NLRP3: variants seen among roughly 807,000 people sequenced by gnomAD.
NLRP3 encodes NLR family pyrin domain containing 3.
NLRP3 carries 48 observed loss-of-function variants against 91.3 expected under a neutral mutation model. That is an observed-to-expected ratio of 0.53 (90% CI 0.42 to 0.67). NLRP3 has a LOEUF of 0.67. Among genes scored for constraint, NLRP3 ranks in the 30% least tolerant of loss-of-function variants. NLRP3 has a pLI of 0.00. For missense variants in NLRP3, 982 were observed against 1,276.9 expected (o/e 0.77, Z 3.52); for synonymous variants, 561 against 507.9 (o/e 1.10, Z -1.41).
rs201794702 is a variant in NLRP3 at position 247,425,489 on chromosome 1, G to T, written c.2040G>T (p.Gly680=). Residue 680 remains glycine (G), a synonymous_variant, in exon 4 of 10, where the codon GGG becomes GGT. Coordinates refer to ENST00000336119, the MANE Select transcript of NLRP3 (RefSeq NM_001243133.2). The surrounding 1 kb of genome is among the most constrained non-coding windows in gnomAD (Gnocchi z 4.1). Reference sequence around the variant, plus strand: ...ATCGGGTGGAGTCACTGTCCCTGGGGTTTCTCCATAACATGCCCAAGGAGG... The same window carrying T: ...ATCGGGTGGAGTCACTGTCCCTGGGTTTTCTCCATAACATGCCCAAGGAGG... The part of the protein sequence containing the change: ...NCHRVESLSL[G]FLHNMPKEEE... The T allele has an allele frequency of 3.7e-6, 6 of 1,614,192 alleles. No individual in the cohort carries two copies. In the South Asian group the frequency reaches 5.5e-5, roughly 15 times the overall value.
chr1:247,440,142 A>T (rs1664106507), intron 7 of NLRP3, among the ~76,000 whole-genome samples: 1 of 146,486 alleles, frequency 6.8e-6, no homozygotes, highest in South Asian at 2.2e-4. Context: ...TGTTAGGTAT[A>T]GCTACATTTT....
At chr1:247,437,837 T>C (rs1236474027) in intron 7 of NLRP3, among the ~76,000 whole-genome samples, 1 of 152,228 alleles carries the variant, frequency 6.6e-6, no homozygotes, top group African/African-American at 2.4e-5. Context: ...GCGGGTGACA[T>C]TGGAGCAGGT....
At position 247,424,079 on chromosome 1, in the gene NLRP3, T is replaced by C; in HGVS notation, c.630T>C (p.Asp210=). 1 of 1,614,020 alleles carries C rather than the reference T, an allele frequency of 6.2e-7. No individual in the cohort carries two copies. Among genetic ancestry groups the C allele is most frequent in the South Asian group, 1.1e-5 (1 of 91,070 alleles). Residue 210 remains aspartate (D), a synonymous_variant, in exon 4 of 10, where the codon GAT becomes GAC. Coordinates refer to ENST00000336119, the MANE Select transcript of NLRP3 (RefSeq NM_001243133.2). The surrounding 1 kb of genome is among the most constrained non-coding windows in gnomAD (Gnocchi z 8.1). ...AGATGGAGTTGCTGTTTGACCCCGA[T>C]GATGAGCATTCTGAGCCTGTGCACA... ...PIKMELLFDP[D]DEHSEPVHTV... is the part of the protein sequence containing the mutation.
In NLRP3 at chr1:247,448,530, C is replaced by T; in HGVS notation, c.*26C>T. Reference sequence around the variant, plus strand: ...GAGTGGAAACGGGGCTGCCAGACGCCAGTGTTCTCCGGTCCCTCCAGCTGG... The same window carrying T: ...GAGTGGAAACGGGGCTGCCAGACGCTAGTGTTCTCCGGTCCCTCCAGCTGG... On this transcript the variant is annotated 3_prime_UTR_variant, in exon 10 of 10. Coordinates refer to ENST00000336119, the MANE Select transcript of NLRP3 (RefSeq NM_001243133.2). The T allele has an allele frequency of 7.1e-7, 1 of 1,414,232 alleles. No individual in the cohort carries two copies. Among genetic ancestry groups the T allele is most frequent in the Non-Finnish European group, 1.0e-6 (1 of 997,674 alleles). The allele number at this position is 1,414,232 out of a possible 1,614,324, so 87.6% of individuals were successfully genotyped here.
chr1:247,441,155 CTCTCT>C (rs1664206767), intron 7 of NLRP3, among the ~76,000 whole-genome samples: 1 of 148,350 alleles, frequency 6.7e-6, no homozygotes, highest in African/African-American at 2.5e-5. Flanking sequence ...TTCTCTCTCT[CTCTCT>C]TTCTTTCTTT....
chr1:247,419,452 G>A (rs988306540), intron 2 of NLRP3, among the ~76,000 whole-genome samples: 1 of 152,142 alleles, frequency 6.6e-6, no homozygotes, highest in East Asian at 1.9e-4. Flanking sequence ...ACCGCGCCCG[G>A]CCGTAATAAT....
Position 247,444,107 on chromosome 1 carries a change from A to T in NLRP3, c.2799A>T (p.Gly933=). The T allele has an allele frequency of 6.2e-7, 1 of 1,613,994 alleles. No homozygotes were observed. The highest frequency in any genetic ancestry group is 8.5e-7 in the Non-Finnish European group (1 of 1,180,024). Residue 933 remains glycine, a synonymous_variant, in exon 8 of 10, where the codon GGA becomes GGT. Transcript: ENST00000336119. ...AGGGGATCAAACTACTCTGTGAGGG[A>T]CTCTTGCACCCCGACTGCAAGCTTC... ...GDKGIKLLCE[G]LLHPDCKLQV...
At chr1:247,429,821 C>T in intron 5 of NLRP3, 66 bp downstream of exon 5, 1 of 1,571,300 alleles carries the variant, frequency 6.4e-7, no homozygotes, top group Non-Finnish European at 8.7e-7. Flanking sequence ...GAGAAACAGA[C>T]TGGAGAAAGA....
chr1:247,418,997 G>T lies in NLRP3; in HGVS notation c.197G>T (p.Trp66Leu). 1 of 1,614,028 alleles carries T rather than the reference G, an allele frequency of 6.2e-7. No homozygotes were observed. Among genetic ancestry groups the T allele is most frequent in the Non-Finnish European group, 8.5e-7 (1 of 1,180,034 alleles). Residue 66 changes from tryptophan (W) to leucine (L), a missense_variant, in exon 2 of 10, where the codon TGG (tryptophan) becomes TTG (leucine). By Grantham distance (61) the Trp-to-Leu change is moderately conservative (BLOSUM62 -2). Around this residue, in one of 5 missense-constraint regions of NLRP3, gnomAD observed 548 missense variants for 713.7 expected, o/e 0.77. Transcript: ENST00000336119. The stretch of plus-strand genomic sequence containing the variant: ...GACTTCAATGGGGAGGAGAAGGCGT[G>T]GGCCATGGCCGTGTGGATCTTCGCT... ...MIDFNGEEKA[W>L]AMAVWIFAAI...
intron 9 of NLRP3, among the ~76,000 whole-genome samples, chr1:247,447,690 C>T (rs1287572852): frequency 1.3e-5 from 2 of 152,178 alleles, no homozygotes; most frequent in East Asian, 1.9e-4. Flanking sequence ...GTTGAGGAAG[C>T]GTAAATGCTG....
chr1:247,432,128 C>T (rs1663378024), intron 5 of NLRP3, among the ~76,000 whole-genome samples: 1 of 152,220 alleles, frequency 6.6e-6, no homozygotes, highest in South Asian at 2.1e-4. Flanking sequence ...CGTGATCCAC[C>T]CGCCTCGGCC....
At chr1:247,421,911 A>G (rs947181) in intron 2 of NLRP3, among the ~76,000 whole-genome samples, 5,266 of 152,302 alleles carry the variant, frequency 0.035, 139 homozygotes, top group Non-Finnish European at 0.051. Flanking sequence ...AAGTGGGTGC[A>G]TCACTTGAGC....
intron 9 of NLRP3, among the ~76,000 whole-genome samples, chr1:247,447,495 T>C (rs533775524): frequency 6.6e-6 from 1 of 152,224 alleles, no homozygotes; most frequent in African/African-American, 2.4e-5. Flanking sequence ...CACCACCAAA[T>C]TGAGATGGTT....
chr1:247,429,175 GAGCC>G (rs755880280), intron 4 of NLRP3, among the ~76,000 whole-genome samples: 17 of 152,196 alleles, frequency 1.1e-4, no homozygotes, highest in Non-Finnish European at 2.2e-4. Flanking sequence ...TTACAGGTGT[GAGCC>G]ACCATGCCCA....
At chr1:247,448,311 G>T in intron 9 of NLRP3, 94 bp from the exon 10 acceptor site, 2 of 659,408 alleles carry the variant, frequency 3.0e-6, no homozygotes, top group Non-Finnish European at 2.8e-6. Context: ...AGTGTGTGGA[G>T]TTTAGGGAAA....
intron 8 of NLRP3, 98 bp downstream of exon 8, chr1:247,444,240 A>T: frequency 4.0e-6 from 5 of 1,246,560 alleles, no homozygotes; most frequent in Non-Finnish European, 5.9e-6. Context: ...GTATCTTAGA[A>T]GTGAGGTGTC....
At position 247,429,704 on chromosome 1, in the gene NLRP3, G is replaced by A. The variant is rs201466599; in HGVS notation, c.2270G>A (p.Arg757Lys). 6.2e-7 allele frequency: 1 copy of A among 1,614,146 alleles called. No homozygotes were observed. Among genetic ancestry groups the A allele is most frequent in the Non-Finnish European group, 8.5e-7 (1 of 1,180,024 alleles). The change falls in exon 5 of 10, where the codon AGA becomes AAA. Residue 757 changes from arginine to lysine, a missense_variant. By Grantham distance (26) the Arg-to-Lys change is conservative. Transcript: ENST00000336119. ...AATTCTCTGGGGGACCCAGGGATGA[G>A]AGTGTTGTGTGAAACGCTCCAGCAT... ...SDNSLGDPGMRVLCETLQHPG... is the reference protein window; with the variant it reads ...SDNSLGDPGMKVLCETLQHPG...
chr1:247,437,961 T>C (rs1219326271), intron 7 of NLRP3, among the ~76,000 whole-genome samples: 2 of 152,220 alleles, frequency 1.3e-5, no homozygotes, highest in Non-Finnish European at 2.9e-5. Context: ...GTGATCCTGG[T>C]TCCAAATTCC....
chr1:247,446,691 T>C (rs1206798091), intron 9 of NLRP3, among the ~76,000 whole-genome samples: 1 of 152,056 alleles, frequency 6.6e-6, no homozygotes, highest in Non-Finnish European at 1.5e-5. Context: ...CTTTTTCTTC[T>C]CTTCTCATTC....
Sources: gnomAD v4.1 joint callset for allele counts (sites outside exome capture counted in the v4.1 genomes callset) on GRCh38, gnomAD v4.1.1 for gene constraint, gnomAD v4.1.1 regional missense constraint, Gnocchi (gnomAD v3.1) non-coding constraint, MANE v1.5 for transcripts, NCBI Gene and HGNC (gene_info 2026-07-23, HGNC 2026-07-21) for gene names.